The following ARID1B variants were observed in gnomAD, a reference collection of about 807,000 sequenced individuals.
The protein encoded by ARID1B is AT-rich interactive domain-containing protein 1B.
In ARID1B, 30 loss-of-function variants were observed where a neutral mutation model predicts 212.3. That is an observed-to-expected ratio of 0.14 (90% CI 0.11 to 0.19). ARID1B has a LOEUF of 0.19. Among genes scored for constraint, ARID1B ranks in the 10% least tolerant of loss-of-function variants. The probability of loss-of-function intolerance (pLI) is 1.00; values close to 1 mark genes in which losing one functional copy is unlikely to be tolerated. For missense variants in ARID1B, 2,891 were observed against 3,204.0 expected (o/e 0.90, Z 2.36); for synonymous variants, 1,402 against 1,301.7 (o/e 1.08, Z -1.66).
At chr6:157,183,681 A>T (rs1361006507) in intron 12 of ARID1B, among the ~76,000 whole-genome samples, 1 of 152,212 alleles carries the variant, frequency 6.6e-6, no homozygotes, top group East Asian at 1.9e-4. Context: ...CTGCCCCGTC[A>T]GCAGGGCTGG....
intron 12 of ARID1B, among the ~76,000 whole-genome samples, chr6:157,182,572 T>A (rs957268045): frequency 2.0e-5 from 3 of 151,394 alleles, no homozygotes; most frequent in Non-Finnish European, 2.9e-5. Flanking sequence ...CCTGCAGGTG[T>A]CACTGACGGC....
chr6:157,154,873 G>A (rs975808764), intron 8 of ARID1B, among the ~76,000 whole-genome samples: 1 of 152,058 alleles, frequency 6.6e-6, no homozygotes, highest in Admixed American at 6.5e-5. Flanking sequence ...GAGCTACTGC[G>A]CCCGGCCTGT....
chr6:157,157,234 C>A (rs915740248), intron 8 of ARID1B, among the ~76,000 whole-genome samples: 1 of 152,198 alleles, frequency 6.6e-6, no homozygotes, highest in Non-Finnish European at 1.5e-5. Flanking sequence ...AGCTTCATGG[C>A]TCTGTTAACA....
intron 4 of ARID1B, among the ~76,000 whole-genome samples, chr6:156,978,714 T>C (rs2128368212): frequency 6.6e-6 from 1 of 152,340 alleles, no homozygotes; most frequent in Admixed American, 6.5e-5. Context: ...CATGGTAGAG[T>C]ATCTTTGTTA....
chr6:157,102,367 C>T (rs1487187350), intron 5 of ARID1B, among the ~76,000 whole-genome samples: 1 of 152,134 alleles, frequency 6.6e-6, no homozygotes, highest in Non-Finnish European at 1.5e-5. Flanking sequence ...TAAACATTTA[C>T]CTGCTAAATG....
chr6:156,959,779 A>C (rs1562511465), intron 4 of ARID1B, among the ~76,000 whole-genome samples: 1 of 152,068 alleles, frequency 6.6e-6, no homozygotes, highest in South Asian at 2.1e-4. Flanking sequence ...GTAAATAAAA[A>C]ATATGTCCAC....
Position 156,947,635 on chromosome 6 carries a change from T to TAA in ARID1B, c.2247+12074_2247+12075dup, listed in dbSNP as rs11352269. Reference sequence around the variant, plus strand: ...TACTCTGAACTCTGAAGGGCTAATTTAAAAAAAAAAAAAAAATCAAGCCCC... The same window carrying TAA: ...TACTCTGAACTCTGAAGGGCTAATTTAAAAAAAAAAAAAAAAAATCAAGCCCC... On this transcript the variant is annotated intron_variant, in intron 4 of 19. Transcript: ENST00000636930. Among the ~76,000 whole-genome samples the TAA allele has an allele frequency of 5.8e-3, 818 of 141,558 alleles. 11 individuals are homozygous for TAA. The highest frequency in any genetic ancestry group is 0.02 in the African/African-American group (789 of 38,862). The allele number at this position is 141,558 out of a possible 152,430, so 92.9% of individuals were successfully genotyped here. A position where few individuals can be genotyped will look rare whatever the true frequency, so the allele number is the denominator to read the frequency against.
At chr6:157,120,269 C>G (rs1391715511) in intron 6 of ARID1B, among the ~76,000 whole-genome samples, 1 of 152,184 alleles carries the variant, frequency 6.6e-6, no homozygotes, top group Non-Finnish European at 1.5e-5. Context: ...CCCGGACTCT[C>G]ATTTGCCCAG....
At chr6:156,824,766 G>GAAAAC in intron 1 of ARID1B, among the ~76,000 whole-genome samples, 2 of 150,964 alleles carry the variant, frequency 1.3e-5, no homozygotes, top group East Asian at 3.9e-4. Flanking sequence ...CCCTGTCTCA[G>GAAAAC]AAAACAAAAC....
At chr6:157,077,092 G>T (rs547120935) in intron 4 of ARID1B, among the ~76,000 whole-genome samples, 2 of 151,996 alleles carry the variant, frequency 1.3e-5, no homozygotes, top group Non-Finnish European at 2.9e-5. Flanking sequence ...TGACTATGTC[G>T]ATCCTTAAAA....
intron 5 of ARID1B, among the ~76,000 whole-genome samples, chr6:157,110,020 C>T (rs559943707): frequency 1.2e-4 from 18 of 152,268 alleles, no homozygotes; most frequent in Middle Eastern, 3.4e-3. Context: ...CTCTGACTGA[C>T]TAATGATGAA....
At chr6:156,966,381 C>CT (rs1249420315) in intron 4 of ARID1B, among the ~76,000 whole-genome samples, 11 of 89,420 alleles carry the variant, frequency 1.2e-4, no homozygotes, top group African/African-American at 3.4e-4. Flanking sequence ...CTTTTCTTTT[C>CT]TTTTCTTTTT....
intron 4 of ARID1B, among the ~76,000 whole-genome samples, chr6:157,049,550 C>T (rs1490842503): frequency 6.6e-6 from 1 of 152,154 alleles, no homozygotes; most frequent in Non-Finnish European, 1.5e-5. Context: ...AAGCCATGTA[C>T]ATTTTTATAA....
chr6:156,778,917 G>C lies in ARID1B; in HGVS notation c.1237G>C (p.Gly413Arg). ...SGGGGGGGGA[G>R]AGGAGAGAVA... ...AGGAGGAGGAGGAGGAGGAGGAGCA[G>C]GAGCAGGAGGAGCAGGAGCGGGAGC... The change falls in exon 1 of 20, where the codon GGA becomes CGA. Residue 413 changes from glycine (G) to arginine (R), a missense_variant. Transcript: ENST00000636930. 3.8e-6 allele frequency: 5 copies of C among 1,316,416 alleles called. No homozygotes were observed. Among genetic ancestry groups the C allele is most frequent in the Non-Finnish European group, 2.9e-6 (3 of 1,040,156 alleles). 81.5% of individuals were successfully genotyped at this position (1,316,416 alleles called of 1,614,324 possible).
At chr6:157,104,505 A>G (rs1786322106) in intron 5 of ARID1B, among the ~76,000 whole-genome samples, 1 of 152,240 alleles carries the variant, frequency 6.6e-6, no homozygotes, top group South Asian at 2.1e-4. Flanking sequence ...AAAACCCCGG[A>G]GAATCAATGA....
At chr6:157,017,931 ACCAG>A (rs1260112600) in intron 4 of ARID1B, among the ~76,000 whole-genome samples, 1 of 148,378 alleles carries the variant, frequency 6.7e-6, no homozygotes, top group Non-Finnish European at 1.5e-5. Context: ...GGAGTTGGAG[ACCAG>A]CCTGGGCAAC....
chr6:157,018,427 G>C (rs1780039281), intron 4 of ARID1B, among the ~76,000 whole-genome samples: 1 of 151,952 alleles, frequency 6.6e-6, no homozygotes, highest in South Asian at 2.1e-4. Flanking sequence ...TATTGGCCAG[G>C]CAGGTCTCGA....
chr6:156,788,201 T>C (rs1345347798), intron 1 of ARID1B, among the ~76,000 whole-genome samples: 2 of 152,144 alleles, frequency 1.3e-5, no homozygotes, highest in Non-Finnish European at 1.5e-5. Flanking sequence ...TATGCACCGC[T>C]GAACAGCTTA....
chr6:156,854,572 T>C (rs566778876), intron 2 of ARID1B, among the ~76,000 whole-genome samples: 1 of 152,334 alleles, frequency 6.6e-6, no homozygotes, highest in South Asian at 2.1e-4. Flanking sequence ...GCTTTCAAAA[T>C]TGACAAAATT....
Sources: allele counts gnomAD v4.1 joint callset (sites outside exome capture counted in the v4.1 genomes callset), GRCh38; gene constraint gnomAD v4.1.1; transcripts MANE v1.5; gene names NCBI Gene and HGNC (gene_info 2026-07-23, HGNC 2026-07-21).